AASDH: variants seen among roughly 807,000 people sequenced by gnomAD.
The protein encoded by AASDH is aminoadipate-semialdehyde dehydrogenase.
AASDH carries 81 observed loss-of-function variants against 102.3 expected under a neutral mutation model. The observed-to-expected ratio is 0.79, with a 90% CI of 0.66 to 0.95. The LOEUF is 0.95. Among genes scored for constraint, AASDH ranks in the 40% least tolerant of loss-of-function variants. The pLI, the probability that AASDH is intolerant of heterozygous loss-of-function variation, is 0.00. For synonymous variants in AASDH, 398 were observed against 454.0 expected (o/e 0.88, Z 1.57); for missense variants, 1,203 against 1,266.2 (o/e 0.95, Z 0.76).
intron 5 of AASDH, among the ~76,000 whole-genome samples, chr4:56,369,698 G>A (rs541133252): frequency 7.9e-5 from 12 of 152,046 alleles, no homozygotes; most frequent in East Asian, 1.9e-4. Context: ...AGTCCAAGGC[G>A]GGCAGATTGA....
intron 5 of AASDH, among the ~76,000 whole-genome samples, chr4:56,358,215 A>G (rs1340327331): frequency 6.6e-6 from 1 of 151,740 alleles, no homozygotes; most frequent in East Asian, 1.9e-4. Context: ...ACCTGACTAA[A>G]CTTTATTATT....
rs775670124 is a variant in AASDH at position 56,349,517 on chromosome 4, T to C, written c.2234A>G (p.Lys745Arg). The C allele has an allele frequency of 5.0e-6, 8 of 1,614,094 alleles. No individual in the cohort carries two copies. The highest frequency in any genetic ancestry group is 6.8e-6 in the Non-Finnish European group (8 of 1,180,038). ...CATTTTCTGAGTCCCTATCGCAGGT[T>C]TCCCCTCTTCAGAAACTTTTGCAAC... Reference protein sequence around the residue: ...SCVAKVSEEGKPAIGTQKMEL... With the variant: ...SCVAKVSEEGRPAIGTQKMEL... Residue 745 changes from lysine to arginine, a missense_variant, in exon 11 of 15, where the codon AAA becomes AGA. Lys to Arg is a conservative substitution (Grantham distance 26). Transcript: ENST00000205214.
At chr4:56,340,543 CTTAAA>C (rs1747547791) in intron 14 of AASDH, among the ~76,000 whole-genome samples, 1 of 152,160 alleles carries the variant, frequency 6.6e-6, no homozygotes, top group Admixed American at 6.6e-5. Context: ...GGATTAAAGA[CTTAAA>C]TTTAAGACCT....
At chr4:56,351,989 G>A (rs1009940617) in intron 9 of AASDH, among the ~76,000 whole-genome samples, 1 of 151,382 alleles carries the variant, frequency 6.6e-6, no homozygotes, top group African/African-American at 2.4e-5. Context: ...AATTTCAAGA[G>A]TTAAGGAAAT....
rs1458611177 is a variant in AASDH, at chr4:56,347,796, T to C, written c.2488+1467A>G. On this transcript the variant is annotated intron_variant, in intron 11 of 14. Coordinates refer to ENST00000205214, the MANE Select transcript of AASDH (RefSeq NM_181806.4). ...ACGTCCCTAGCAATGCACCAATTGA[T>C]TCATAAACAGTTATCTCATTTAATC... Among the ~76,000 whole-genome samples the C allele has an allele frequency of 2.6e-5, 4 of 152,060 alleles. No individual in the cohort carries two copies. In the East Asian group the frequency reaches 7.7e-4, roughly 29 times the overall value.
chr4:56,350,591 C>T (rs1748888915), intron 10 of AASDH, among the ~76,000 whole-genome samples: 1 of 151,854 alleles, frequency 6.6e-6, no homozygotes, highest in Non-Finnish European at 1.5e-5. Context: ...TCTAAAAGTA[C>T]AAAATATACT....
chr4:56,373,443 T>C (rs1302432392), intron 4 of AASDH, among the ~76,000 whole-genome samples: 4 of 152,104 alleles, frequency 2.6e-5, no homozygotes, highest in Non-Finnish European at 5.9e-5. Context: ...GCGCCTGGCC[T>C]CTAGGTTTTA....
intron 14 of AASDH, among the ~76,000 whole-genome samples, chr4:56,339,922 A>T (rs1162382832): frequency 6.6e-6 from 1 of 151,952 alleles, no homozygotes; most frequent in Non-Finnish European, 1.5e-5. Flanking sequence ...TAATCCCAAC[A>T]CTTTGGGAGG....
intron 5 of AASDH, among the ~76,000 whole-genome samples, chr4:56,363,254 G>C (rs1578015100): frequency 1.3e-5 from 2 of 152,240 alleles, no homozygotes; most frequent in Non-Finnish European, 2.9e-5. Flanking sequence ...GCCCAGCACA[G>C]CTCAAGGAGG....
At chr4:56,386,845 G>C (rs1341635201) in intron 1 of AASDH, among the ~76,000 whole-genome samples, 10 of 148,520 alleles carry the variant, frequency 6.7e-5, no homozygotes, top group African/African-American at 2.2e-4. Flanking sequence ...GCAAACTCTG[G>C]TAAGCAGATT....
At chr4:56,351,754 A>C (rs10008223) in intron 9 of AASDH, among the ~76,000 whole-genome samples, 26,092 of 151,932 alleles carry the variant, frequency 0.17, 2,612 homozygotes, top group Admixed American at 0.3. Context: ...CAACACAGCA[A>C]GACCCTGTCT....
intron 2 of AASDH, among the ~76,000 whole-genome samples, chr4:56,383,640 C>A (rs2110013824): frequency 6.6e-6 from 1 of 152,266 alleles, no homozygotes; most frequent in East Asian, 1.9e-4. Flanking sequence ...ATATTTCAAT[C>A]TATATCAACT....
chr4:56,362,212 C>G (rs570487409), intron 5 of AASDH, among the ~76,000 whole-genome samples: 2 of 152,146 alleles, frequency 1.3e-5, no homozygotes, highest in African/African-American at 4.8e-5. Flanking sequence ...ATATTCTATT[C>G]TTTTCAATTT....
Position 56,353,409 on chromosome 4 carries a change from G to A in AASDH, c.1571C>T (p.Ser524Phe). ...TCTGCTTTAAATTACTTTACCGTGG[G>A]ATGTAAATGGTAGAGAGTCGATCAA... is the stretch of plus-strand genomic sequence containing the variant. ...LVLIDSLPFTSHGKIDVSELN... is the reference protein window; with the variant it reads ...LVLIDSLPFTFHGKIDVSELN... The change falls in exon 9 of 15, where the codon TCC (serine) becomes TTC (phenylalanine). Residue 524 changes from serine (S) to phenylalanine (F), a missense_variant. Coordinates refer to ENST00000205214, the MANE Select transcript of AASDH (RefSeq NM_181806.4). 6.3e-7 allele frequency: 1 copy of A among 1,596,518 alleles called. No homozygotes were observed. Among genetic ancestry groups the A allele is most frequent in the Non-Finnish European group, 8.5e-7 (1 of 1,171,906 alleles).
At chr4:56,339,888 G>A (rs967781726) in intron 14 of AASDH, among the ~76,000 whole-genome samples, 4 of 152,052 alleles carry the variant, frequency 2.6e-5, no homozygotes, top group African/African-American at 9.7e-5. Flanking sequence ...ATAAGTTGTG[G>A]CCAGGCATGG....
chr4:56,386,799 CAAAAAA>C (rs386400124), intron 1 of AASDH, among the ~76,000 whole-genome samples: 980 of 48,756 alleles, frequency 0.02, 4 homozygotes, highest in African/African-American at 0.069. Context: ...GACTCCGTCT[CAAAAAA>C]AAAAAAAAAA....
rs1748699073 is a variant in AASDH, at chr4:56,349,372, TCTA to T, written c.2376_2378del (p.His792_Arg793delinsGln). 16 of 1,614,038 alleles carry T rather than the reference TCTA, an allele frequency of 9.9e-6. No homozygotes were observed. Among genetic ancestry groups the T allele is most frequent in the Non-Finnish European group, 1.3e-5 (15 of 1,180,032 alleles). On this transcript the variant is annotated inframe_deletion, in exon 11 of 15. Coordinates refer to ENST00000205214, the MANE Select transcript of AASDH (RefSeq NM_181806.4). ...CAGAGTAAAAGTCAACTGCCTTCAT[TCTA>T]TGAGAATGGGAACCAATGTACACAG...
At chr4:56,370,298 G>A (rs1272727199) in intron 5 of AASDH, among the ~76,000 whole-genome samples, 1 of 152,026 alleles carries the variant, frequency 6.6e-6, no homozygotes, top group Non-Finnish European at 1.5e-5. Flanking sequence ...AGGAGGCAGA[G>A]TGAGCCAAGA....
intron 14 of AASDH, among the ~76,000 whole-genome samples, chr4:56,340,345 A>G (rs868691199): frequency 1.3e-5 from 2 of 152,240 alleles, no homozygotes; most frequent in South Asian, 4.1e-4. Context: ...ATGTAATAGA[A>G]TGGAGAACCT....
Sources: gnomAD v4.1 joint callset for allele counts (sites outside exome capture counted in the v4.1 genomes callset) on GRCh38, gnomAD v4.1.1 for gene constraint, MANE v1.5 for transcripts, NCBI Gene and HGNC (gene_info 2026-07-23, HGNC 2026-07-21) for gene names.